The following CES1 variants were observed in gnomAD, a reference collection of about 807,000 sequenced individuals.
CES1 encodes the protein liver carboxylesterase 1.
A neutral mutation model predicts 53.0 loss-of-function variants in CES1; 50 were observed. That is an observed-to-expected ratio of 0.94 (90% CI 0.75 to 1.19). CES1 has a LOEUF of 1.19. CES1 is among the 50% of genes most tolerant of loss of function. The pLI is 0.00. For missense variants in CES1, 534 were observed against 538.0 expected (o/e 0.99, Z 0.07); for synonymous variants, 202 against 210.1 (o/e 0.96, Z 0.33).
intron 3 of CES1, among the ~76,000 whole-genome samples, chr16:55,825,223 T>C (rs547744715): frequency 6.6e-6 from 1 of 152,300 alleles, no homozygotes; most frequent in South Asian, 2.1e-4. Flanking sequence ...AGTAAACCTT[T>C]CTCTCACTTC....
chr16:55,832,915 G>A, intron 1 of CES1, 89 bp downstream of exon 1: 1 of 1,173,640 alleles, frequency 8.5e-7, no homozygotes, highest in Non-Finnish European at 1.3e-6. Flanking sequence ...GACCTGTTGT[G>A]TCTTTGCCTT....
intron 9 of CES1, among the ~76,000 whole-genome samples, chr16:55,811,639 C>T (rs1238170091): frequency 6.6e-6 from 1 of 152,200 alleles, no homozygotes; most frequent in Non-Finnish European, 1.5e-5. Flanking sequence ...CCTGGGAAGG[C>T]TCAACCCTGC....
chr16:55,808,860 T>C (rs1421622380), intron 11 of CES1, among the ~76,000 whole-genome samples: 2 of 152,120 alleles, frequency 1.3e-5, no homozygotes, highest in African/African-American at 4.8e-5. Flanking sequence ...AAATATAAAA[T>C]TGATTTTTAA....
intron 1 of CES1, among the ~76,000 whole-genome samples, chr16:55,832,017 A>AC (rs1447827858): frequency 8.7e-5 from 10 of 114,496 alleles, no homozygotes; most frequent in African/African-American, 3.4e-4. Flanking sequence ...GGGTCCAGCC[A>AC]CCCCAGAGCC....
At chr16:55,817,103 A>G (rs1312008774) in intron 7 of CES1, 141 bp from the exon 8 acceptor site, 11 of 921,718 alleles carry the variant, frequency 1.2e-5, no homozygotes, top group African/African-American at 3.3e-5. Flanking sequence ...GCGGTGCTCC[A>G]TCTCCCTGAA....
chr16:55,830,984 C>T (rs541825942), intron 1 of CES1, among the ~76,000 whole-genome samples: 14 of 152,056 alleles, frequency 9.2e-5, no homozygotes, highest in South Asian at 4.2e-4. Context: ...TACACAGGCT[C>T]GGTGGAGATG....
intron 1 of CES1, 151 bp from the exon 2 acceptor site, chr16:55,829,125 G>C: frequency 1.2e-6 from 1 of 843,694 alleles, no homozygotes; most frequent in South Asian, 1.4e-5. Flanking sequence ...TAGGGATGAC[G>C]ATCAATGTCC....
chr16:55,810,806 G>T, intron 10 of CES1, 121 bp downstream of exon 10: 1 of 1,407,536 alleles, frequency 7.1e-7, no homozygotes, highest in Non-Finnish European at 1.0e-6. Flanking sequence ...GGGAAAGGTG[G>T]AAAGATGGGG....
intron 8 of CES1, among the ~76,000 whole-genome samples, chr16:55,815,579 C>T (rs527817533): frequency 4.2e-4 from 64 of 152,320 alleles, no homozygotes; most frequent in Admixed American, 1.2e-3. Flanking sequence ...GGGCGTCCTC[C>T]ACTCCTCCCC....
rs371140838 is a variant in CES1 at position 55,832,957 on chromosome 16, C to G, written c.52+47G>C. 5.5e-6 allele frequency: 8 copies of G among 1,448,584 alleles called. No homozygotes were observed. The African/African-American group carries it at 8.4e-5, about 15-fold the overall frequency. 89.7% of individuals were successfully genotyped at this position (1,448,584 alleles called of 1,614,324 possible). ...CATCTGCGCCCACCTCGGCCCAGAACAAGGATTTCAAAAAGTGCCCCGCAT... is the reference window on the plus strand; with the variant it reads ...CATCTGCGCCCACCTCGGCCCAGAAGAAGGATTTCAAAAAGTGCCCCGCAT... On this transcript the variant is annotated intron_variant, in intron 1 of 13. Transcript: ENST00000360526.
intron 6 of CES1, 84 bp from the exon 7 acceptor site, chr16:55,819,723 C>G (rs1368315835): frequency 1.7e-5 from 20 of 1,179,956 alleles, no homozygotes; most frequent in Non-Finnish European, 2.5e-5. Flanking sequence ...CTATCCCAAG[C>G]CCAACTTGTA....
Position 55,812,957 on chromosome 16 carries a change from A to G in CES1, c.1032T>C (p.Thr344=), listed in dbSNP as rs148322888. The change falls in exon 9 of 14, where the codon ACT becomes ACC. Residue 344 remains threonine (T), a synonymous_variant. Transcript: ENST00000360526. ...TGTTAATTCCGACCATGTAGGGGAC[A>G]GTGTGGAAATTCCTTTCAGCTTGAA... ...EELQAERNFH[T]VPYMVGINKQ... 11 of 1,613,992 alleles carry G rather than the reference A, an allele frequency of 6.8e-6. No homozygotes were observed. The African/African-American group carries it at 1.1e-4, about 16-fold the overall frequency.
At chr16:55,816,524 A>G (rs56695111) in intron 8 of CES1, among the ~76,000 whole-genome samples, 109,245 of 151,310 alleles carry the variant, frequency 0.72, 40,429 homozygotes, top group Non-Finnish European at 0.82. Flanking sequence ...CTGGGAGGAG[A>G]CGAGTGTCCT....
At chr16:55,819,843 T>C (rs1349269845) in intron 6 of CES1, among the ~76,000 whole-genome samples, 7 of 152,236 alleles carry the variant, frequency 4.6e-5, no homozygotes, top group African/African-American at 1.7e-4. Flanking sequence ...GTCAATTATG[T>C]AATCTCTCAT....
At chr16:55,816,530 G>A (rs1239972482) in intron 8 of CES1, among the ~76,000 whole-genome samples, 1 of 152,222 alleles carries the variant, frequency 6.6e-6, no homozygotes, top group Non-Finnish European at 1.5e-5. Context: ...GGAGACGAGT[G>A]TCCTTGGACT....
In CES1 at chr16:55,826,153, G is replaced by A. The variant is rs1323600627; in HGVS notation, c.403C>T (p.Pro135Ser). ...PADLTKKNRL[P>S]VMVWIHGGGL... ...GACCAGGGGGTCCCACAACTTACCG[G>A]CAGCCTGTTTTTCTTGGTCAAGTCA... Residue 135 changes from proline to serine, a missense_variant and splice_region_variant, in exon 3 of 14, where the codon CCG (proline) becomes TCG (serine). Around this residue, in one of 5 missense-constraint regions of CES1, gnomAD observed 164 missense variants for 162.4 expected, o/e 1.01. Transcript: ENST00000360526. 2 of 1,613,970 alleles carry A rather than the reference G, an allele frequency of 1.2e-6. No homozygotes were observed. Among genetic ancestry groups the A allele is most frequent in the Admixed American group, 3.3e-5 (2 of 60,016 alleles).
intron 9 of CES1, 77 bp from the exon 10 acceptor site, chr16:55,811,087 A>C: frequency 8.4e-7 from 1 of 1,197,128 alleles, no homozygotes; most frequent in Non-Finnish European, 1.2e-6. Context: ...AACCAACCAA[A>C]CCAATGCAGT....
In CES1 at chr16:55,815,530, G is replaced by T. The variant is rs1597072994; in HGVS notation, c.945+1394C>A. ...CTCCACTTAGAGTTTGCAAGTGGCT[G>T]CCCTGTGTGGGCACAACCTTGTTGT... On this transcript the variant is annotated intron_variant, in intron 8 of 13. Coordinates refer to ENST00000360526, the MANE Select transcript of CES1 (RefSeq NM_001025195.2). Among the ~76,000 whole-genome samples, 3 of 152,320 alleles carry T rather than the reference G, an allele frequency of 2.0e-5. No homozygotes were observed. The East Asian group carries it at 5.8e-4, about 29-fold the overall frequency.
chr16:55,810,785 G>T (rs2031655049), intron 10 of CES1, 121 bp from the exon 11 acceptor site: 7 of 1,446,330 alleles, frequency 4.8e-6, no homozygotes, highest in Non-Finnish European at 6.8e-6. Flanking sequence ...CGCTAGGGTG[G>T]AAAATGAAGT....
Sources: allele counts gnomAD v4.1 joint callset (sites outside exome capture counted in the v4.1 genomes callset), GRCh38; gene constraint gnomAD v4.1.1; regional missense constraint gnomAD v4.1.1; transcripts MANE v1.5; gene names NCBI Gene and HGNC (gene_info 2026-07-23, HGNC 2026-07-21).